DPYD: variants seen among roughly 807,000 people sequenced by gnomAD.
DPYD encodes the protein dihydropyrimidine dehydrogenase, also known as dihydropyrimidine dehydrogenase [NADP(+)].
DPYD carries 109 observed loss-of-function variants against 116.2 expected under a neutral mutation model. The observed-to-expected ratio is 0.94, with a 90% confidence interval of 0.80 to 1.10. The LOEUF is 1.10. DPYD is among the 50% of genes least tolerant of loss of function. DPYD has a pLI of 0.00. For missense variants in DPYD, 1,302 were observed against 1,254.5 expected (o/e 1.04, Z -0.57); for synonymous variants, 440 against 432.0 (o/e 1.02, Z -0.23).
intron 14 of DPYD, among the ~76,000 whole-genome samples, chr1:97,422,808 A>G (rs1179222704): frequency 2.0e-5 from 3 of 152,182 alleles, no homozygotes; most frequent in Non-Finnish European, 2.9e-5. Context: ...AATGGTATAC[A>G]TTACAAAATG....
chr1:97,628,338 C>G (rs549100190), intron 8 of DPYD, among the ~76,000 whole-genome samples: 22 of 152,142 alleles, frequency 1.4e-4, no homozygotes, highest in South Asian at 2.1e-4. Context: ...TTGAATAATA[C>G]GTATCACATT....
chr1:97,163,003 C>T (rs1450624601), intron 20 of DPYD, among the ~76,000 whole-genome samples: 14 of 151,274 alleles, frequency 9.3e-5, no homozygotes, highest in East Asian at 1.9e-4. Context: ...AAGACTTAAA[C>T]GTTAGACCTA....
chr1:97,422,931 A>T (rs1674664826), intron 14 of DPYD, among the ~76,000 whole-genome samples: 1 of 152,156 alleles, frequency 6.6e-6, no homozygotes. Flanking sequence ...AAGTGACATG[A>T]AAATGGAAAT....
intron 20 of DPYD, among the ~76,000 whole-genome samples, chr1:97,168,436 G>T (rs1227406663): frequency 1.3e-5 from 2 of 152,178 alleles, no homozygotes; most frequent in African/African-American, 4.8e-5. Context: ...CTACTTCACA[G>T]ATTGCTCTGA....
At chr1:97,174,129 G>C (rs758869877) in intron 20 of DPYD, among the ~76,000 whole-genome samples, 1 of 151,982 alleles carries the variant, frequency 6.6e-6, no homozygotes, top group Non-Finnish European at 1.5e-5. Flanking sequence ...GGGTTTGTTT[G>C]TATAAGGGTA....
intron 14 of DPYD, among the ~76,000 whole-genome samples, chr1:97,434,152 T>C (rs1268207188): frequency 6.6e-6 from 1 of 152,126 alleles, no homozygotes; most frequent in East Asian, 1.9e-4. Context: ...TTATTTATTA[T>C]GGAAAGATTA....
At chr1:97,192,043 T>C (rs1023526579) in intron 20 of DPYD, among the ~76,000 whole-genome samples, 1 of 152,172 alleles carries the variant, frequency 6.6e-6, no homozygotes, top group African/African-American at 2.4e-5. Context: ...CATTGTAAGA[T>C]TTTATTTCTT....
At chr1:97,285,046 C>A (rs1035665949) in intron 18 of DPYD, among the ~76,000 whole-genome samples, 2 of 152,090 alleles carry the variant, frequency 1.3e-5, no homozygotes, top group Admixed American at 6.6e-5. Context: ...TGGATCAAAG[C>A]CAAATTGGCA....
chr1:97,730,304 C>T (rs1398550450), intron 4 of DPYD, among the ~76,000 whole-genome samples: 1 of 152,086 alleles, frequency 6.6e-6, no homozygotes, highest in Non-Finnish European at 1.5e-5. Flanking sequence ...TCACTGCAAC[C>T]TCCACCTCCC....
At chr1:97,229,208 A>T (rs1661410427) in intron 19 of DPYD, among the ~76,000 whole-genome samples, 1 of 143,276 alleles carries the variant, frequency 7.0e-6, no homozygotes, top group Non-Finnish European at 1.5e-5. Flanking sequence ...CTTCTCAAAA[A>T]AAAAAAAAAA....
At chr1:97,724,953 A>AAGAAAGAGAGAGAG (rs1553228329) in intron 4 of DPYD, among the ~76,000 whole-genome samples, 7 of 118,828 alleles carry the variant, frequency 5.9e-5, no homozygotes, top group East Asian at 2.7e-4. Flanking sequence ...GAGGGAAGGA[A>AAGAAAGAGAGAGAG]AGAGAGAGAG....
intron 19 of DPYD, among the ~76,000 whole-genome samples, chr1:97,214,355 C>T (rs1033450465): frequency 6.6e-6 from 1 of 152,154 alleles, no homozygotes; most frequent in African/African-American, 2.4e-5. Flanking sequence ...TTCTCCATTT[C>T]TGAAAGTCTC....
chr1:97,259,417 A>C (rs1663724263), intron 18 of DPYD, among the ~76,000 whole-genome samples: 1 of 152,080 alleles, frequency 6.6e-6, no homozygotes. Context: ...TCTTTCACCC[A>C]GGCTGGAGTA....
chr1:97,092,454 A>G, intron 21 of DPYD, among the ~76,000 whole-genome samples: 1 of 152,128 alleles, frequency 6.6e-6, no homozygotes, highest in Non-Finnish European at 1.5e-5. Context: ...CCTATTCTTA[A>G]GACTTCCTTT....
rs1161440698 is a variant in DPYD at position 97,323,523 on chromosome 1, CACAT to C, written c.2059-17230_2059-17227del. On this transcript the variant is annotated intron_variant, in intron 16 of 22. Transcript: ENST00000370192. ...TCATATGTACATATGTGTATATATA[CACAT>C]ATATATACATATCATATATATACAT... 1.4e-3 allele frequency among the ~76,000 whole-genome samples: 88 copies of C among 65,006 alleles called. 6 individuals carry two copies. The highest frequency in any genetic ancestry group is 5.0e-3 in the African/African-American group (85 of 16,964). The allele number at this position is 65,006 out of a possible 152,430, so 42.6% of individuals were successfully genotyped here.
intron 5 of DPYD, among the ~76,000 whole-genome samples, chr1:97,701,909 G>T (rs778497298): frequency 2.0e-5 from 3 of 151,668 alleles, no homozygotes; most frequent in Admixed American, 6.6e-5. Flanking sequence ...AATATTCAGT[G>T]TTTTTATACA....
rs138726482 is a variant in DPYD, at chr1:97,196,797, T to C, written c.2443-3549A>G. Reference sequence around the variant, plus strand: ...CATACAATAGAATATGACCTAGATATAGACATTAACAGAGGAAAAACTTTT... The same window carrying C: ...CATACAATAGAATATGACCTAGATACAGACATTAACAGAGGAAAAACTTTT... On this transcript the variant is annotated intron_variant, in intron 19 of 22. Coordinates refer to ENST00000370192, the MANE Select transcript of DPYD (RefSeq NM_000110.4). Among the ~76,000 whole-genome samples, 147 of 152,296 alleles carry C rather than the reference T, an allele frequency of 9.7e-4. 1 individual carries two copies. Among genetic ancestry groups the C allele is most frequent in the Middle Eastern group, 3.4e-3 (1 of 294 alleles).
In DPYD at chr1:97,082,488, A is replaced by G. The variant is rs2101559172; in HGVS notation, c.2767-18T>C. ...ATTACATCCTAAAAATAGCCACTGA[A>G]TTACTTAGCAAGCTCATTTTAAAAC... On this transcript the variant is annotated intron_variant, in intron 21 of 22. Coordinates refer to ENST00000370192, the MANE Select transcript of DPYD (RefSeq NM_000110.4). 6.2e-7 allele frequency: 1 copy of G among 1,612,878 alleles called. No homozygotes were observed. The highest frequency in any genetic ancestry group is 8.5e-7 in the Non-Finnish European group (1 of 1,179,354).
rs1468058740 is a variant in DPYD at position 97,586,678 on chromosome 1, CT to C, written c.1128+6539del. 7.3e-5 allele frequency among the ~76,000 whole-genome samples: 11 copies of C among 151,352 alleles called. No individual in the cohort carries two copies. The East Asian group carries it at 2.1e-3, about 29-fold the overall frequency. On this transcript the variant is annotated intron_variant, in intron 10 of 22. Transcript: ENST00000370192. ...ATATGTAATCTTAAATGGGCACAAG[CT>C]TTTGTTGGCTCCTGGCCTATTTGCA... is the stretch of plus-strand genomic sequence containing the variant.
Sources: gnomAD v4.1 joint callset for allele counts (sites outside exome capture counted in the v4.1 genomes callset) on GRCh38, gnomAD v4.1.1 for gene constraint, MANE v1.5 for transcripts, NCBI Gene and HGNC (gene_info 2026-07-23, HGNC 2026-07-21) for gene names.